The following TNKS2 variants were observed in gnomAD, a reference collection of about 807,000 sequenced individuals.
The protein encoded by TNKS2 is tankyrase 2.
A neutral mutation model predicts 137.6 loss-of-function variants in TNKS2; 72 were observed. The observed-to-expected ratio is 0.52, with a 90% confidence interval of 0.43 to 0.64. TNKS2 has a LOEUF of 0.64. Ranked by LOEUF, TNKS2 falls within the 30% of genes least tolerant of loss-of-function variation. TNKS2 has a pLI of 0.00. For synonymous variants in TNKS2, 516 were observed against 512.1 expected, an observed-to-expected ratio of 1.01 and a Z score of -0.10; for missense variants, 1,049 against 1,410.2, an observed-to-expected ratio of 0.74 and a Z score of 4.10.
At position 91,819,323 on chromosome 10, in the gene TNKS2, T is replaced by A. The variant is rs781699751; in HGVS notation, c.557+17T>A. 1.4e-6 allele frequency: 2 copies of A among 1,471,024 alleles called. No homozygotes were observed. Among genetic ancestry groups the A allele is most frequent in the Non-Finnish European group, 1.8e-6 (2 of 1,104,420 alleles). 91.1% of individuals were successfully genotyped at this position (1,471,024 alleles called of 1,614,324 possible). On this transcript the variant is annotated intron_variant, in intron 4 of 26. Coordinates refer to ENST00000371627, the MANE Select transcript of TNKS2 (RefSeq NM_025235.4). Reference sequence around the variant, plus strand: ...AAGTGCCAGGTACGTACTAATGTTATAAATATGTGACAGGAATACTTCACC... The same window carrying A: ...AAGTGCCAGGTACGTACTAATGTTAAAAATATGTGACAGGAATACTTCACC...
chr10:91,836,628 G>A, intron 12 of TNKS2: 4 of 985,228 alleles, frequency 4.1e-6, no homozygotes, highest in Non-Finnish European at 2.4e-6. Context: ...TGCTTATAGA[G>A]CAGGCCATCT....
intron 20 of TNKS2, 134 bp from the exon 21 acceptor site, chr10:91,851,082 T>C: frequency 3.3e-6 from 4 of 1,214,844 alleles, no homozygotes; most frequent in Non-Finnish European, 2.2e-6. Context: ...TTATGCTAAA[T>C]GGAAATAATA....
Position 91,848,571 on chromosome 10 carries a change from A to G in TNKS2, c.2547A>G (p.Ser849=). 6.2e-7 allele frequency: 1 copy of G among 1,614,200 alleles called. No individual in the cohort carries two copies. The highest frequency in any genetic ancestry group is 8.5e-7 in the Non-Finnish European group (1 of 1,180,046). ...SSLDNLSGSF[S]ELSSVVSSSG... The stretch of plus-strand genomic sequence containing the variant: ...TTGACAACTTATCTGGGAGTTTTTC[A>G]GAACTGTCTTCAGTAGTTAGTTCAA... Residue 849 remains serine (S), a synonymous_variant, in exon 19 of 27, where the codon TCA becomes TCG. Coordinates refer to ENST00000371627, the MANE Select transcript of TNKS2 (RefSeq NM_025235.4).
chr10:91,839,436 A>C (rs1057384373), intron 13 of TNKS2, among the ~76,000 whole-genome samples: 2 of 151,388 alleles, frequency 1.3e-5, no homozygotes, highest in African/African-American at 4.9e-5. Flanking sequence ...TCTGCCTCCC[A>C]GGTTCAAGCG....
chr10:91,817,082 T>C, intron 2 of TNKS2, 52 bp from the exon 3 acceptor site: 2 of 1,295,564 alleles, frequency 1.5e-6, no homozygotes, highest in East Asian at 2.4e-5. Context: ...TTTACTAAAA[T>C]CAAGTTGTTA....
intron 1 of TNKS2, among the ~76,000 whole-genome samples, chr10:91,808,883 A>C (rs1844410335): frequency 6.6e-6 from 1 of 152,166 alleles, no homozygotes. Context: ...GACATGTCTA[A>C]AACTTGGACT....
chr10:91,827,335 T>C (rs1460254520), intron 8 of TNKS2, 132 bp downstream of exon 8: 2 of 689,796 alleles, frequency 2.9e-6, no homozygotes, highest in South Asian at 4.7e-5. Flanking sequence ...CACTGTTGTT[T>C]AGCATATTTA....
chr10:91,859,404 T>A, intron 24 of TNKS2, 58 bp from the exon 25 acceptor site: 1 of 1,348,394 alleles, frequency 7.4e-7, no homozygotes, highest in East Asian at 2.6e-5. Flanking sequence ...AACTAGTTTT[T>A]TACTTTTTAT....
At chr10:91,800,031 T>C (rs1008131404) in intron 1 of TNKS2, among the ~76,000 whole-genome samples, 6 of 152,252 alleles carry the variant, frequency 3.9e-5, no homozygotes, top group Non-Finnish European at 7.3e-5. Flanking sequence ...CTTTAACCTG[T>C]TCCAGATTTT....
chr10:91,805,868 A>C (rs1314729991), intron 1 of TNKS2, among the ~76,000 whole-genome samples: 1 of 152,118 alleles, frequency 6.6e-6, no homozygotes, highest in Non-Finnish European at 1.5e-5. Flanking sequence ...AGTGGTTGGG[A>C]TAGCAGAACC....
intron 1 of TNKS2, among the ~76,000 whole-genome samples, chr10:91,811,183 C>T (rs187165423): frequency 2.0e-5 from 3 of 152,128 alleles, no homozygotes; most frequent in Admixed American, 2.0e-4. Context: ...CTGGGCCTCC[C>T]AAAGTGCTGG....
intron 9 of TNKS2, among the ~76,000 whole-genome samples, chr10:91,829,534 TGCA>T (rs1589667120): frequency 6.6e-6 from 1 of 152,144 alleles, no homozygotes; most frequent in East Asian, 1.9e-4. Context: ...TCCAAGATGG[TGCA>T]GAGGAGTAGG....
At position 91,863,082 on chromosome 10, in the gene TNKS2, A is replaced by T. The variant is rs1332808971; in HGVS notation, c.*83A>T. The T allele has an allele frequency of 1.0e-6, 1 of 983,324 alleles. No individual in the cohort carries two copies. Among genetic ancestry groups the T allele is most frequent in the Non-Finnish European group, 1.5e-6 (1 of 645,712 alleles). 60.9% of individuals were successfully genotyped at this position (983,324 alleles called of 1,614,324 possible). ...CTCTACGTTTTACTCCTTTGCTGAA[A>T]AAAAATCATCTTGCCCACAGGCCTG... On this transcript the variant is annotated 3_prime_UTR_variant, in exon 27 of 27. Coordinates refer to ENST00000371627, the MANE Select transcript of TNKS2 (RefSeq NM_025235.4).
At chr10:91,836,800 C>T (rs1295767504) in intron 12 of TNKS2, 119 bp from the exon 13 acceptor site, 11 of 1,428,860 alleles carry the variant, frequency 7.7e-6, no homozygotes, top group African/African-American at 5.8e-5. Flanking sequence ...ATGGAGATCT[C>T]GTACATAATC....
In TNKS2 at chr10:91,859,525, G is replaced by A. The variant is rs1449489797; in HGVS notation, c.3158G>A (p.Gly1053Asp). 6.2e-7 allele frequency: 1 copy of A among 1,613,934 alleles called. No homozygotes were observed. Among genetic ancestry groups the A allele is most frequent in the Non-Finnish European group, 8.5e-7 (1 of 1,179,910 alleles). ...GATGAAAGGCATGCGTACATAGGTG[G>A]TATGTTTGGAGCTGGCATTTATTTT... is the stretch of plus-strand genomic sequence containing the variant. ...GFDERHAYIG[G>D]MFGAGIYFAE... is the part of the protein sequence containing the mutation. Residue 1053 changes from glycine (G) to aspartate (D), a missense_variant, in exon 25 of 27, where the codon GGT (glycine) becomes GAT (aspartate). By Grantham distance (94) the Gly-to-Asp change is moderately conservative (BLOSUM62 -1). Around this residue, in one of 6 missense-constraint regions of TNKS2, gnomAD observed 133 missense variants for 248.4 expected, o/e 0.54. Transcript: ENST00000371627.
rs149750727 is a variant in TNKS2, at chr10:91,823,869, A to C, written c.795+1507A>C. ...ATGAAATACGTTTTCCCATAGAAAC[A>C]ACTTTATAATAATAATTAGATACTC... On this transcript the variant is annotated intron_variant, in intron 7 of 26. Transcript: ENST00000371627. 9.1e-3 allele frequency among the ~76,000 whole-genome samples: 1,389 copies of C among 152,314 alleles called. 18 individuals carry two copies. Among genetic ancestry groups the C allele is most frequent in the South Asian group, 0.043 (208 of 4,826 alleles).
In TNKS2 at chr10:91,842,272, C is replaced by T. The variant is rs747588151; in HGVS notation, c.1940C>T (p.Ala647Val). The T allele has an allele frequency of 3.5e-5, 57 of 1,613,830 alleles. 1 individual carries two copies. Among genetic ancestry groups the T allele is most frequent in the Middle Eastern group, 3.3e-4 (2 of 6,082 alleles). ...TDIQDLLRGD[A>V]ALLDAAKKGC... ...ATTCAAGATCTGCTTAGGGGAGATGCAGCTTTGCTAGATGCTGCCAAGAAG... is the reference window on the plus strand; with the variant it reads ...ATTCAAGATCTGCTTAGGGGAGATGTAGCTTTGCTAGATGCTGCCAAGAAG... Residue 647 changes from alanine (A) to valine (V), a missense_variant, in exon 16 of 27, where the codon GCA (alanine) becomes GTA (valine). Physicochemically the swap from Ala to Val is moderately conservative, Grantham distance 64. Transcript: ENST00000371627.
rs1466164047 is a variant in TNKS2 at position 91,822,378 on chromosome 10, C to T, written c.795+16C>T. Reference sequence around the variant, plus strand: ...TTTGGTCAAGGTTAGTGCTCTTGTACTCTCCTAATTACTTTCTAGAGTTAT... The same window carrying T: ...TTTGGTCAAGGTTAGTGCTCTTGTATTCTCCTAATTACTTTCTAGAGTTAT... On this transcript the variant is annotated intron_variant, in intron 7 of 26. Transcript: ENST00000371627. 3 of 1,586,760 alleles carry T rather than the reference C, an allele frequency of 1.9e-6. No homozygotes were observed. The highest frequency in any genetic ancestry group is 3.3e-4 in the Middle Eastern group (2 of 6,014).
intron 2 of TNKS2, among the ~76,000 whole-genome samples, chr10:91,815,948 CT>C (rs10691725): frequency 4.1e-4 from 51 of 125,132 alleles, no homozygotes; most frequent in South Asian, 2.0e-3. Flanking sequence ...AAGACTTTCT[CT>C]TTTTTTTTTT....
Sources: allele counts gnomAD v4.1 joint callset (sites outside exome capture counted in the v4.1 genomes callset), GRCh38; gene constraint gnomAD v4.1.1; regional missense constraint gnomAD v4.1.1; transcripts MANE v1.5; gene names NCBI Gene and HGNC (gene_info 2026-07-23, HGNC 2026-07-21).